CSMD3: variants seen among roughly 807,000 people sequenced by gnomAD.
CSMD3 encodes CUB and Sushi multiple domains 3, also known as CUB and sushi domain-containing protein 3.
In CSMD3, 177 loss-of-function variants were observed where a neutral mutation model predicts 435.2. That is an observed-to-expected ratio of 0.41 (90% confidence interval 0.36 to 0.46). The LOEUF (loss-of-function observed/expected upper bound fraction) is 0.46. Ranked by LOEUF, CSMD3 falls within the 20% of genes least tolerant of loss-of-function variation. The probability of loss-of-function intolerance (pLI) is 0.34; values close to 1 mark genes in which losing one functional copy is unlikely to be tolerated. For synonymous variants in CSMD3, 1,656 were observed against 1,520.5 expected, an observed-to-expected ratio of 1.09 and a Z score of -2.07; for missense variants, 4,265 against 4,504.6, an observed-to-expected ratio of 0.95 and a Z score of 1.52.
At chr8:112,758,959 T>A (rs187323595) in intron 13 of CSMD3, among the ~76,000 whole-genome samples, 19 of 152,168 alleles carry the variant, frequency 1.2e-4, no homozygotes, top group Non-Finnish European at 2.1e-4. Context: ...ATATAATTGG[T>A]TTGTGAAATT....
chr8:112,288,032 AAG>A (rs143895303), intron 57 of CSMD3, among the ~76,000 whole-genome samples: 13 of 149,504 alleles, frequency 8.7e-5, no homozygotes, highest in Non-Finnish European at 1.0e-4. Context: ...GCTAGAGAGA[AAG>A]AGAGAGAGAG....
At chr8:113,052,559 G>A (rs1157415845) in intron 5 of CSMD3, among the ~76,000 whole-genome samples, 4 of 152,272 alleles carry the variant, frequency 2.6e-5, no homozygotes, top group Non-Finnish European at 4.4e-5. Flanking sequence ...GGGAGTAAAC[G>A]TTTGAGGCCA....
rs559735494 is a variant in CSMD3, at chr8:113,363,166, T to C, written c.179-48373A>G. The stretch of plus-strand genomic sequence containing the variant: ...AGCCTATACTATATCACATTGATCA[T>C]TGTGAACCAGTATGGTATGGATCAC... On this transcript the variant is annotated intron_variant, in intron 1 of 70. Transcript: ENST00000297405. 1.4e-4 allele frequency among the ~76,000 whole-genome samples: 21 copies of C among 152,366 alleles called. No homozygotes were observed. In the East Asian group the frequency reaches 2.5e-3, roughly 18 times the overall value.
chr8:112,786,452 T>C (rs544651079), intron 13 of CSMD3, among the ~76,000 whole-genome samples: 4 of 152,086 alleles, frequency 2.6e-5, no homozygotes, highest in Non-Finnish European at 4.4e-5. Context: ...GCTTTTGCTG[T>C]GGCAAAGGAG....
chr8:113,073,921 C>T (rs2089236309), intron 5 of CSMD3, among the ~76,000 whole-genome samples: 1 of 151,646 alleles, frequency 6.6e-6, no homozygotes, highest in Non-Finnish European at 1.5e-5. Flanking sequence ...GTCTTAAATC[C>T]TTGAAACAGT....
At chr8:113,208,009 G>T (rs559569560) in intron 3 of CSMD3, among the ~76,000 whole-genome samples, 1 of 152,124 alleles carries the variant, frequency 6.6e-6, no homozygotes, top group Non-Finnish European at 1.5e-5. Context: ...TTTAGAGGCC[G>T]ATGGTAGAAT....
intron 5 of CSMD3, among the ~76,000 whole-genome samples, chr8:113,022,336 A>G (rs2131188710): frequency 6.6e-6 from 1 of 152,194 alleles, no homozygotes; most frequent in African/African-American, 2.4e-5. Flanking sequence ...TCTTTTAATA[A>G]GAAATAGATT....
chr8:113,202,599 A>G (rs2092726246), intron 3 of CSMD3, among the ~76,000 whole-genome samples: 1 of 152,130 alleles, frequency 6.6e-6, no homozygotes, highest in African/African-American at 2.4e-5. Flanking sequence ...AAAAATTTCC[A>G]AAAAGCAATA....
At chr8:112,706,027 T>C (rs2076492001) in intron 13 of CSMD3, among the ~76,000 whole-genome samples, 1 of 152,108 alleles carries the variant, frequency 6.6e-6, no homozygotes, top group Non-Finnish European at 1.5e-5. Flanking sequence ...GACTAGGTAC[T>C]GTGTCTGTGA....
intron 1 of CSMD3, among the ~76,000 whole-genome samples, chr8:113,361,069 GGCATCTTTAA>G (rs2094272389): frequency 6.6e-6 from 1 of 152,088 alleles, no homozygotes. Flanking sequence ...TATTTTAGAT[GGCATCTTTAA>G]GTAAAGATTA....
intron 22 of CSMD3, among the ~76,000 whole-genome samples, chr8:112,629,507 G>A (rs1222187301): frequency 6.6e-6 from 1 of 152,110 alleles, no homozygotes. Context: ...GCATGCACTA[G>A]ACCTCAATAT....
chr8:113,130,440 G>A (rs945690363), intron 4 of CSMD3, among the ~76,000 whole-genome samples: 1 of 152,100 alleles, frequency 6.6e-6, no homozygotes, highest in Admixed American at 6.6e-5. Context: ...TACCTCCTCT[G>A]TCTCTTCCTC....
chr8:113,305,139 T>C (rs1241266222), intron 2 of CSMD3, among the ~76,000 whole-genome samples: 1 of 85,536 alleles, frequency 1.2e-5, no homozygotes, highest in Admixed American at 1.8e-4. Flanking sequence ...CATCATACTC[T>C]GGGGACTGTT....
intron 28 of CSMD3, among the ~76,000 whole-genome samples, chr8:112,513,084 A>G (rs1294453766): frequency 2.6e-5 from 4 of 152,168 alleles, no homozygotes; most frequent in African/African-American, 7.2e-5. Flanking sequence ...TTGATCTTCT[A>G]TTCAGACCAC....
chr8:113,335,150 A>G (rs1465419350), intron 1 of CSMD3, among the ~76,000 whole-genome samples: 4 of 152,098 alleles, frequency 2.6e-5, no homozygotes, highest in Non-Finnish European at 4.4e-5. Context: ...TGCTCCTACC[A>G]TGTAAAATAT....
intron 1 of CSMD3, among the ~76,000 whole-genome samples, chr8:113,332,510 A>G (rs1229672113): frequency 6.6e-6 from 1 of 151,696 alleles, no homozygotes; most frequent in Admixed American, 6.6e-5. Context: ...AACAAATAAA[A>G]TTAGAGAATA....
chr8:113,345,599 G>C (rs2094146395), intron 1 of CSMD3, among the ~76,000 whole-genome samples: 3 of 151,830 alleles, frequency 2.0e-5, no homozygotes. Context: ...TAGCCTGTTT[G>C]GATTACTCAA....
At chr8:113,217,570 ATAATT>A (rs1488298310) in intron 3 of CSMD3, among the ~76,000 whole-genome samples, 2 of 151,766 alleles carry the variant, frequency 1.3e-5, no homozygotes, top group East Asian at 1.9e-4. Context: ...TCTGAAATGA[ATAATT>A]TATTAAGAGA....
chr8:113,322,613 A>G (rs573521338), intron 1 of CSMD3, among the ~76,000 whole-genome samples: 84 of 152,308 alleles, frequency 5.5e-4, no homozygotes, highest in Non-Finnish European at 1.1e-3. Flanking sequence ...TTTAGAATCA[A>G]TTTACAAAAT....
Sources: gnomAD v4.1 joint callset for allele counts (sites outside exome capture counted in the v4.1 genomes callset) on GRCh38, gnomAD v4.1.1 for gene constraint, MANE v1.5 for transcripts, NCBI Gene and HGNC (gene_info 2026-07-23, HGNC 2026-07-21) for gene names.